The following TCF4 variants were observed in gnomAD, a reference collection of about 807,000 sequenced individuals.
The protein encoded by TCF4 is SL3-3 enhancer factor 2.
In TCF4, 3 loss-of-function variants were observed where a neutral mutation model predicts 82.1. The observed-to-expected ratio is 0.04, with a 90% CI of 0.02 to 0.09. The LOEUF (loss-of-function observed/expected upper bound fraction) is 0.09, where lower values mean the gene tolerates loss of function less well. Ranked by LOEUF, TCF4 falls within the 10% of genes least tolerant of loss-of-function variation. The probability of loss-of-function intolerance (pLI) is 1.00; values close to 1 mark genes in which losing one functional copy is unlikely to be tolerated. For synonymous variants in TCF4, 276 were observed against 309.6 expected (o/e 0.89, Z 1.14); for missense variants, 518 against 852.7 (o/e 0.61, Z 4.89).
At chr18:55,292,308 A>G (rs1034481751) in intron 8 of TCF4, among the ~76,000 whole-genome samples, 3 of 152,206 alleles carry the variant, frequency 2.0e-5, no homozygotes, top group Admixed American at 2.0e-4. Flanking sequence ...CAAGAAATGT[A>G]AACTTTGCTA....
At chr18:55,502,687 A>G (rs1036030959) in intron 3 of TCF4, among the ~76,000 whole-genome samples, 6 of 152,164 alleles carry the variant, frequency 3.9e-5, no homozygotes, top group African/African-American at 1.2e-4. Flanking sequence ...TAAAATTACT[A>G]TTTTATTGAG....
At chr18:55,615,772 A>G (rs1212538462) in intron 2 of TCF4, among the ~76,000 whole-genome samples, 1 of 152,108 alleles carries the variant, frequency 6.6e-6, no homozygotes, top group African/African-American at 2.4e-5. Context: ...TTTCTTTAAA[A>G]TTTTGGTTTT....
intron 8 of TCF4, among the ~76,000 whole-genome samples, chr18:55,333,325 A>G (rs1054656128): frequency 6.6e-6 from 1 of 152,020 alleles, no homozygotes; most frequent in African/African-American, 2.4e-5. Flanking sequence ...TATTCTCCTT[A>G]TATTCCTTTC....
At chr18:55,612,268 T>C (rs1216585581) in intron 2 of TCF4, among the ~76,000 whole-genome samples, 5 of 152,028 alleles carry the variant, frequency 3.3e-5, no homozygotes, top group African/African-American at 9.7e-5. Flanking sequence ...ATGGGCACTC[T>C]TGAATTGAGT....
At chr18:55,443,560 T>C (rs576455070) in intron 5 of TCF4, among the ~76,000 whole-genome samples, 17 of 152,186 alleles carry the variant, frequency 1.1e-4, no homozygotes, top group Non-Finnish European at 2.2e-4. Flanking sequence ...TTTTAGTTCT[T>C]TTCTCAAGAG....
At chr18:55,319,724 G>A (rs1429560234) in intron 8 of TCF4, among the ~76,000 whole-genome samples, 1 of 151,920 alleles carries the variant, frequency 6.6e-6, no homozygotes, top group Non-Finnish European at 1.5e-5. Flanking sequence ...GCAACTGAGA[G>A]GGCATATTAG....
Position 55,295,204 on chromosome 18 carries a change from T to A in TCF4, c.550-15548A>T, listed in dbSNP as rs144972687. ...CTCATTTTGCCCTTTGCATGTGTTG[T>A]ACCATGTGTTGCTGTCTTCTGTTTT... On this transcript the variant is annotated intron_variant, in intron 8 of 19. Coordinates refer to ENST00000354452, the MANE Select transcript of TCF4 (RefSeq NM_001083962.2). Among the ~76,000 whole-genome samples the A allele has an allele frequency of 2.6e-5, 4 of 152,332 alleles. No individual in the cohort carries two copies. In the East Asian group the frequency reaches 7.7e-4, roughly 29 times the overall value.
chr18:55,452,772 C>T (rs1453420910), intron 5 of TCF4: 2 of 152,230 alleles, frequency 1.3e-5, no homozygotes, highest in African/African-American at 2.4e-5. Context: ...AATGAAGACA[C>T]AGGCCTTGAA....
chr18:55,327,614 GTGAC>G (rs1361350811), intron 8 of TCF4, among the ~76,000 whole-genome samples: 2 of 152,048 alleles, frequency 1.3e-5, no homozygotes, highest in South Asian at 4.1e-4. Flanking sequence ...TATTTTCTGA[GTGAC>G]TGGTCAGATA....
At chr18:55,469,400 GT>G (rs2096122460) in intron 3 of TCF4, among the ~76,000 whole-genome samples, 1 of 151,906 alleles carries the variant, frequency 6.6e-6, no homozygotes, top group South Asian at 2.1e-4. Context: ...GGAGGTGGAG[GT>G]TGCCGCGAGC....
At chr18:55,365,325 A>G (rs905580174) in intron 6 of TCF4, among the ~76,000 whole-genome samples, 10 of 142,414 alleles carry the variant, frequency 7.0e-5, no homozygotes, top group South Asian at 2.3e-4. Context: ...AGATTCTCCT[A>G]TTGCTGGGTC....
intron 2 of TCF4, among the ~76,000 whole-genome samples, chr18:55,627,098 G>A (rs1033180210): frequency 1.3e-5 from 2 of 152,180 alleles, no homozygotes; most frequent in Non-Finnish European, 1.5e-5. Flanking sequence ...TTGCAGCCCT[G>A]CCTCAAATTG....
chr18:55,504,627 A>G (rs1035059690), intron 3 of TCF4, among the ~76,000 whole-genome samples: 1 of 152,202 alleles, frequency 6.6e-6, no homozygotes, highest in East Asian at 1.9e-4. Flanking sequence ...GAACATTGGT[A>G]TCAATACCAA....
At chr18:55,300,948 G>A (rs935048020) in intron 8 of TCF4, among the ~76,000 whole-genome samples, 2 of 152,218 alleles carry the variant, frequency 1.3e-5, no homozygotes, top group South Asian at 2.1e-4. Flanking sequence ...CAAGGTCATC[G>A]ATCATGGGGG....
chr18:55,625,889 T>C (rs1470529293), intron 2 of TCF4, among the ~76,000 whole-genome samples: 2 of 152,254 alleles, frequency 1.3e-5, no homozygotes, highest in African/African-American at 4.8e-5. Flanking sequence ...TTTCACTGAA[T>C]GTAATCCTGG....
chr18:55,243,845 G>A (rs954797089), intron 15 of TCF4, among the ~76,000 whole-genome samples: 7 of 152,140 alleles, frequency 4.6e-5, no homozygotes, highest in Non-Finnish European at 1.0e-4. Context: ...CAACTGCAAT[G>A]TGTCAATGGC....
chr18:55,319,975 A>G (rs180774148), intron 8 of TCF4, among the ~76,000 whole-genome samples: 1 of 152,324 alleles, frequency 6.6e-6, no homozygotes, highest in East Asian at 1.9e-4. Context: ...TTTATAATGT[A>G]AGTCTTTCAT....
chr18:55,424,166 C>G (rs1235391969), intron 5 of TCF4, among the ~76,000 whole-genome samples: 1 of 152,108 alleles, frequency 6.6e-6, no homozygotes, highest in Non-Finnish European at 1.5e-5. Flanking sequence ...TGTCACTCGA[C>G]AAAGTCATGA....
intron 10 of TCF4, among the ~76,000 whole-genome samples, chr18:55,275,409 G>C (rs2061324156): frequency 6.6e-6 from 1 of 150,960 alleles, no homozygotes; most frequent in Non-Finnish European, 1.5e-5. Flanking sequence ...ATAAACAAAA[G>C]AACAATGCCA....
Sources: gnomAD v4.1 joint callset for allele counts (sites outside exome capture counted in the v4.1 genomes callset) on GRCh38, gnomAD v4.1.1 for gene constraint, MANE v1.5 for transcripts, NCBI Gene and HGNC (gene_info 2026-07-23, HGNC 2026-07-21) for gene names.